STAMBPL1: variants seen among roughly 807,000 people sequenced by gnomAD.
The protein encoded by STAMBPL1 is STAM binding protein like 1.
Under a neutral mutation model 52.9 loss-of-function variants are expected in STAMBPL1, and 44 were observed. The observed-to-expected ratio is 0.83, with a 90% CI of 0.65 to 1.07. The LOEUF (loss-of-function observed/expected upper bound fraction) is 1.07. STAMBPL1 is among the 50% of genes least tolerant of loss of function. The pLI is 0.00. For synonymous variants in STAMBPL1, 164 were observed against 177.3 expected (o/e 0.92, Z 0.60); for missense variants, 511 against 520.8 (o/e 0.98, Z 0.18).
In STAMBPL1 at chr10:88,914,633, CCTGTGGAATACT is replaced by C. The variant is rs1350201502; in HGVS notation, c.887_898del (p.Ile296_Gly299del). 6.9e-7 allele frequency: 1 copy of C among 1,448,614 alleles called. No homozygotes were observed. Among genetic ancestry groups the C allele is most frequent in the African/African-American group, 1.4e-5 (1 of 69,058 alleles). 89.7% of individuals were successfully genotyped at this position (1,448,614 alleles called of 1,614,324 possible). ...TCTAATACAGTGAGAGGAATAGAAA[CCTGTGGAATACT>C]CTGTGGAAAACTGGTATGATCTTTT... On this transcript the variant is annotated inframe_deletion, in exon 7 of 11. Transcript: ENST00000371926.
chr10:88,922,293 A>G, intron 9 of STAMBPL1, 44 bp from the exon 10 acceptor site: 4 of 1,586,324 alleles, frequency 2.5e-6, no homozygotes, highest in Non-Finnish European at 3.5e-6. Flanking sequence ...GGAATGCCCA[A>G]ATGATCCTTA....
intron 6 of STAMBPL1, among the ~76,000 whole-genome samples, chr10:88,914,132 C>CTAA (rs1845307411): frequency 1.3e-5 from 2 of 152,174 alleles, no homozygotes; most frequent in Non-Finnish European, 2.9e-5. Context: ...CTTTTACTTA[C>CTAA]TGATCACCAA....
At chr10:88,893,450 A>G (rs1455283660) in intron 1 of STAMBPL1, among the ~76,000 whole-genome samples, 3 of 152,124 alleles carry the variant, frequency 2.0e-5, no homozygotes, top group Admixed American at 2.0e-4. Context: ...CCGATGAAAA[A>G]AGTGAAGGGA....
chr10:88,909,403 T>G (rs1405610929), intron 4 of STAMBPL1, among the ~76,000 whole-genome samples: 1 of 152,224 alleles, frequency 6.6e-6, no homozygotes, highest in Non-Finnish European at 1.5e-5. Flanking sequence ...TCCCATTTAT[T>G]TGTCTTTAAT....
At chr10:88,918,322 C>CACAA (rs1845424251) in intron 8 of STAMBPL1, among the ~76,000 whole-genome samples, 1 of 151,620 alleles carries the variant, frequency 6.6e-6, no homozygotes, top group Non-Finnish European at 1.5e-5. Flanking sequence ...CACACACACA[C>CACAA]ACATTTCCTA....
intron 7 of STAMBPL1, among the ~76,000 whole-genome samples, chr10:88,916,322 G>A (rs2133206260): frequency 6.6e-6 from 1 of 151,538 alleles, no homozygotes; most frequent in South Asian, 2.1e-4. Flanking sequence ...TCTTTGTTTT[G>A]TTCAGTTTTT....
intron 7 of STAMBPL1, 110 bp from the exon 8 acceptor site, chr10:88,916,570 A>T: frequency 9.4e-7 from 1 of 1,062,448 alleles, no homozygotes; most frequent in South Asian, 2.0e-5. Flanking sequence ...CTGTACCTGG[A>T]CACACCCCCC....
Position 88,913,303 on chromosome 10 carries a change from G to C in STAMBPL1, c.623G>C (p.Gly208Ala). The C allele has an allele frequency of 6.2e-7, 1 of 1,613,882 alleles. No homozygotes were observed. Among genetic ancestry groups the C allele is most frequent in the East Asian group, 2.2e-5 (1 of 44,878 alleles). Reference sequence around the variant, plus strand: ...TCAGGGCTGTCAGAGCAGATTGATGGGAGCGCTTTGTCCTGCTTTTCCACA... The same window carrying C: ...TCAGGGCTGTCAGAGCAGATTGATGCGAGCGCTTTGTCCTGCTTTTCCACA... ...QTSGLSEQID[G>A]SALSCFSTHQ... Residue 208 changes from glycine to alanine, a missense_variant, in exon 6 of 11, where the codon GGG becomes GCG. Gly to Ala is a moderately conservative substitution (Grantham distance 60). Around this residue, in one of 3 missense-constraint regions of STAMBPL1, gnomAD observed 358 missense variants for 343.5 expected, o/e 1.04. Coordinates refer to ENST00000371926, the MANE Select transcript of STAMBPL1 (RefSeq NM_020799.4).
At chr10:88,922,706 A>T (rs537743809) in intron 10 of STAMBPL1, among the ~76,000 whole-genome samples, 1 of 152,272 alleles carries the variant, frequency 6.6e-6, no homozygotes, top group Non-Finnish European at 1.5e-5. Context: ...TGATATTTAA[A>T]AGTTTTCTTC....
At chr10:88,890,905 A>G (rs1335854325) in intron 1 of STAMBPL1, among the ~76,000 whole-genome samples, 1 of 152,172 alleles carries the variant, frequency 6.6e-6, no homozygotes, top group Non-Finnish European at 1.5e-5. Context: ...TGGGCTACCA[A>G]TTCCTCTATT....
intron 1 of STAMBPL1, among the ~76,000 whole-genome samples, chr10:88,894,157 T>C (rs1236386832): frequency 6.6e-6 from 1 of 152,176 alleles, no homozygotes; most frequent in African/African-American, 2.4e-5. Context: ...ATTATCAACC[T>C]CCTTTGCAGT....
chr10:88,901,813 A>G, intron 2 of STAMBPL1, 75 bp downstream of exon 2: 2 of 1,412,708 alleles, frequency 1.4e-6, no homozygotes, highest in Non-Finnish European at 2.0e-6. Flanking sequence ...CAAATGTGAA[A>G]TGAGTCACAA....
At chr10:88,900,551 T>C (rs1192303909) in intron 1 of STAMBPL1, among the ~76,000 whole-genome samples, 1 of 152,190 alleles carries the variant, frequency 6.6e-6, no homozygotes, top group Non-Finnish European at 1.5e-5. Flanking sequence ...GACTATATGC[T>C]AGGAGCTATT....
chr10:88,898,321 A>C (rs372948340), intron 1 of STAMBPL1, among the ~76,000 whole-genome samples: 117 of 152,368 alleles, frequency 7.7e-4, no homozygotes, highest in Non-Finnish European at 1.3e-3. Context: ...AAAAAGTCAA[A>C]TAATGCTTTA....
intron 1 of STAMBPL1, among the ~76,000 whole-genome samples, chr10:88,897,850 A>G (rs1366027600): frequency 6.6e-6 from 1 of 152,218 alleles, no homozygotes; most frequent in Non-Finnish European, 1.5e-5. Flanking sequence ...TTATTCTTGC[A>G]TGATACTGAA....
At chr10:88,920,128 G>C (rs1007730822) in intron 8 of STAMBPL1, among the ~76,000 whole-genome samples, 3 of 152,220 alleles carry the variant, frequency 2.0e-5, no homozygotes, top group East Asian at 1.9e-4. Context: ...TGGGATTACA[G>C]GCATGAGCCG....
intron 1 of STAMBPL1, among the ~76,000 whole-genome samples, chr10:88,885,972 TTCTTGG>T (rs1844520252): frequency 6.6e-6 from 1 of 152,222 alleles, no homozygotes; most frequent in Non-Finnish European, 1.5e-5. Flanking sequence ...GTGAAACTTT[TTCTTGG>T]TCTTGTATAA....
Position 88,907,559 on chromosome 10 carries a change from T to G in STAMBPL1, c.249-1143T>G, listed in dbSNP as rs2231780. On this transcript the variant is annotated intron_variant, in intron 3 of 10. Transcript: ENST00000371926. ...AGCCTGGTGAAAAGGAAAAGGCCCC[T>G]ATATCTCAGAATTACTGTGTAATCA... 9.1e-3 allele frequency among the ~76,000 whole-genome samples: 1,379 copies of G among 152,332 alleles called. 36 individuals carry two copies. In the East Asian group the frequency reaches 0.11, roughly 12 times the overall value.
intron 1 of STAMBPL1, among the ~76,000 whole-genome samples, chr10:88,889,539 A>C (rs1013484073): frequency 1.3e-5 from 2 of 152,198 alleles, no homozygotes; most frequent in Admixed American, 1.3e-4. Flanking sequence ...CAGATAATAA[A>C]TATTATAGCT....
Sources: gnomAD v4.1 joint callset for allele counts (sites outside exome capture counted in the v4.1 genomes callset) on GRCh38, gnomAD v4.1.1 for gene constraint, gnomAD v4.1.1 regional missense constraint, MANE v1.5 for transcripts, NCBI Gene and HGNC (gene_info 2026-07-23, HGNC 2026-07-21) for gene names.